EPHA6: variants seen among roughly 807,000 people sequenced by gnomAD.
EPHA6 encodes EPH receptor A6, also known as ephrin type-A receptor 6.
In EPHA6, 50 loss-of-function variants were observed where a neutral mutation model predicts 112.0. That is an observed-to-expected ratio of 0.45 (90% CI 0.36 to 0.56). EPHA6 has a LOEUF of 0.56. Among genes scored for constraint, EPHA6 ranks in the 20% least tolerant of loss-of-function variants. The probability of loss-of-function intolerance (pLI) is 0.00; values close to 1 mark genes in which losing one functional copy is unlikely to be tolerated. For missense variants in EPHA6, 1,280 were observed against 1,417.4 expected, an observed-to-expected ratio of 0.90 and a Z score of 1.56; for synonymous variants, 529 against 490.7, an observed-to-expected ratio of 1.08 and a Z score of -1.03.
At chr3:97,061,804 A>T (rs183692583) in intron 3 of EPHA6, among the ~76,000 whole-genome samples, 34 of 152,304 alleles carry the variant, frequency 2.2e-4, no homozygotes, top group Admixed American at 2.2e-3. Flanking sequence ...TGAAACGCAT[A>T]CTATAGTATG....
intron 11 of EPHA6, among the ~76,000 whole-genome samples, chr3:97,546,561 A>G (rs1274298684): frequency 6.6e-6 from 1 of 152,090 alleles, no homozygotes; most frequent in African/African-American, 2.4e-5. Context: ...GCTCTTCTCG[A>G]AGAGTATCTT....
intron 10 of EPHA6, among the ~76,000 whole-genome samples, 198 bp from the exon 11 acceptor site, chr3:97,532,159 AT>A (rs1461468855): frequency 6.6e-6 from 1 of 152,092 alleles, no homozygotes; most frequent in Non-Finnish European, 1.5e-5. Context: ...ATGAAAATGC[AT>A]TCCATTATTC....
In EPHA6 at chr3:97,731,908, A is replaced by G. The variant is rs115645641; in HGVS notation, c.2935-4017A>G. The stretch of plus-strand genomic sequence containing the variant: ...TGTTTATCTCCTCCCTCTACTTGGC[A>G]CATCTAATCTCAGCCCAGTCCTGTC... On this transcript the variant is annotated intron_variant, in intron 15 of 17. Coordinates refer to ENST00000389672, the MANE Select transcript of EPHA6 (RefSeq NM_001080448.3). Among the ~76,000 whole-genome samples the G allele has an allele frequency of 9.3e-3, 1,410 of 151,864 alleles. 33 individuals carry two copies. The highest frequency in any genetic ancestry group is 0.031 in the African/African-American group (1,303 of 41,440).
At chr3:97,557,747 A>G (rs1385765115) in intron 11 of EPHA6, among the ~76,000 whole-genome samples, 1 of 151,674 alleles carries the variant, frequency 6.6e-6, no homozygotes, top group Non-Finnish European at 1.5e-5. Context: ...TTTATATTTC[A>G]TACCTTCACA....
At chr3:97,596,231 A>C (rs2093589754) in intron 12 of EPHA6, among the ~76,000 whole-genome samples, 1 of 152,152 alleles carries the variant, frequency 6.6e-6, no homozygotes, top group East Asian at 1.9e-4. Context: ...CTAAAATAAT[A>C]AGCTTGCTCT....
At chr3:97,256,552 G>A (rs954329041) in intron 5 of EPHA6, among the ~76,000 whole-genome samples, 2 of 151,944 alleles carry the variant, frequency 1.3e-5, no homozygotes, top group African/African-American at 4.8e-5. Context: ...ACTTAACACA[G>A]ATATGGCAAG....
intron 3 of EPHA6, among the ~76,000 whole-genome samples, chr3:97,013,858 G>C (rs1219419482): frequency 2.0e-5 from 3 of 152,056 alleles, no homozygotes; most frequent in Non-Finnish European, 4.4e-5. Context: ...TTTTTGCATA[G>C]GAGTTTTATG....
intron 2 of EPHA6, among the ~76,000 whole-genome samples, chr3:96,985,283 G>A (rs996888214): frequency 2.0e-5 from 3 of 152,116 alleles, no homozygotes; most frequent in African/African-American, 7.2e-5. Flanking sequence ...TCCCTGAGAA[G>A]TGAAATCAAT....
intron 5 of EPHA6, among the ~76,000 whole-genome samples, chr3:97,381,961 T>C (rs184188714): frequency 1.6e-3 from 240 of 152,232 alleles, no homozygotes; most frequent in African/African-American, 5.4e-3. Flanking sequence ...TATGAATTAC[T>C]TTATTGTTCT....
intron 2 of EPHA6, among the ~76,000 whole-genome samples, chr3:96,953,584 T>C (rs571030136): frequency 6.6e-6 from 1 of 152,316 alleles, no homozygotes; most frequent in Non-Finnish European, 1.5e-5. Context: ...AAGCCAATTC[T>C]ACACTCTTTT....
chr3:97,687,201 A>G (rs1045532890), intron 14 of EPHA6, among the ~76,000 whole-genome samples: 2 of 152,066 alleles, frequency 1.3e-5, no homozygotes, highest in Admixed American at 6.6e-5. Flanking sequence ...TTCCAATTAC[A>G]TCTTTTTCGA....
intron 3 of EPHA6, among the ~76,000 whole-genome samples, chr3:97,146,393 C>A (rs2076043599): frequency 6.6e-6 from 1 of 151,828 alleles, no homozygotes; most frequent in Admixed American, 6.6e-5. Flanking sequence ...ATTTCCAATA[C>A]TCTCTGTATG....
chr3:97,071,248 A>G (rs2046345348), intron 3 of EPHA6, among the ~76,000 whole-genome samples: 1 of 152,012 alleles, frequency 6.6e-6, no homozygotes, highest in Non-Finnish European at 1.5e-5. Flanking sequence ...AACTGAATTA[A>G]CTGATGTTAT....
At chr3:97,391,048 C>A (rs1437855675) in intron 5 of EPHA6, among the ~76,000 whole-genome samples, 1 of 151,968 alleles carries the variant, frequency 6.6e-6, no homozygotes, top group African/African-American at 2.4e-5. Flanking sequence ...ATCAATACTG[C>A]ATGTTCAAAC....
intron 3 of EPHA6, chr3:97,009,960 T>G: frequency 1.6e-6 from 1 of 610,756 alleles, no homozygotes; most frequent in Non-Finnish European, 2.7e-6. Context: ...TTGGTTGCCG[T>G]TGAAGGATTC....
In EPHA6 at chr3:97,173,093, C is replaced by G. The variant is rs7651663; in HGVS notation, c.1115-53171C>G. Among the ~76,000 whole-genome samples, 519 of 151,880 alleles carry G rather than the reference C, an allele frequency of 3.4e-3. 6 individuals carry two copies. The highest frequency in any genetic ancestry group is 0.017 in the Middle Eastern group (5 of 294). On this transcript the variant is annotated intron_variant, in intron 3 of 17. Coordinates refer to ENST00000389672, the MANE Select transcript of EPHA6 (RefSeq NM_001080448.3). ...CCATATACTGTGTAAATATATTAAA[C>G]TTTTTGAGATATCTTAGATGTTTTG... is the stretch of plus-strand genomic sequence containing the variant.
At chr3:96,911,816 A>C (rs1483178156) in intron 2 of EPHA6, among the ~76,000 whole-genome samples, 1 of 152,034 alleles carries the variant, frequency 6.6e-6, no homozygotes, top group Admixed American at 6.6e-5. Context: ...TTTTTAAAAA[A>C]CTTTAAATAT....
intron 9 of EPHA6, among the ~76,000 whole-genome samples, chr3:97,480,226 TA>T (rs1220895692): frequency 8.6e-5 from 13 of 151,754 alleles, no homozygotes; most frequent in African/African-American, 3.1e-4. Context: ...TCTTTCTTTT[TA>T]TTTATTTATT....
At chr3:97,188,578 T>C (rs2108472249) in intron 3 of EPHA6, among the ~76,000 whole-genome samples, 1 of 152,078 alleles carries the variant, frequency 6.6e-6, no homozygotes, top group East Asian at 1.9e-4. Context: ...AGCAAACCAT[T>C]ATCATGGAGA....
Sources: gnomAD v4.1 joint callset for allele counts (sites outside exome capture counted in the v4.1 genomes callset) on GRCh38, gnomAD v4.1.1 for gene constraint, MANE v1.5 for transcripts, NCBI Gene and HGNC (gene_info 2026-07-23, HGNC 2026-07-21) for gene names.